MGAT4B: variants seen among roughly 807,000 people sequenced by gnomAD.
MGAT4B encodes the protein alpha-1,3-mannosyl-glycoprotein 4-beta-N-acetylglucosaminyltransferase B, also known as N-acetylglucosaminyltransferase IVb.
MGAT4B carries 38 observed loss-of-function variants against 73.9 expected under a neutral mutation model. The observed-to-expected ratio is 0.51, with a 90% confidence interval of 0.40 to 0.67. The LOEUF is 0.67. MGAT4B is among the 30% of genes least tolerant of loss of function. The pLI is 0.00. For synonymous variants in MGAT4B, 373 were observed against 313.5 expected, an observed-to-expected ratio of 1.19 and a Z score of -2.01; for missense variants, 686 against 735.2, an observed-to-expected ratio of 0.93 and a Z score of 0.77.
At position 179,806,467 on chromosome 5, in the gene MGAT4B, C is replaced by G; in HGVS notation, c.97+20G>C. ...ACGCCCAGGTGCGCCAGGTGCGGGC[C>G]GGGCGGGGGTCGCGCTCACCTTTCT... On this transcript the variant is annotated intron_variant, in intron 1 of 14. Coordinates refer to ENST00000292591, the MANE Select transcript of MGAT4B (RefSeq NM_014275.5). The surrounding 1 kb of genome is among the most constrained non-coding windows in gnomAD (Gnocchi z 4.6). The G allele has an allele frequency of 2.4e-6, 3 of 1,254,976 alleles. No homozygotes were observed. The highest frequency in any genetic ancestry group is 3.1e-6 in the Non-Finnish European group (3 of 973,212). The allele number at this position is 1,254,976 out of a possible 1,614,324, so 77.7% of individuals were successfully genotyped here.
chr5:179,799,654 G>A lies in MGAT4B; in HGVS notation c.911-18C>T, dbSNP rs373032627. On this transcript the variant is annotated intron_variant, in intron 8 of 14. Transcript: ENST00000292591. Reference sequence around the variant, plus strand: ...CATCTTACCTGGTGGGGAGGGGCCTGAGTGGGCAGTGCTGCTCTGCCTACT... The same window carrying A: ...CATCTTACCTGGTGGGGAGGGGCCTAAGTGGGCAGTGCTGCTCTGCCTACT... The A allele has an allele frequency of 3.7e-6, 6 of 1,613,246 alleles. No individual in the cohort carries two copies. Among genetic ancestry groups the A allele is most frequent in the South Asian group, 2.2e-5 (2 of 91,072 alleles).
chr5:179,806,699 G>A lies in MGAT4B; in HGVS notation c.-116C>T, dbSNP rs1461758010. ...GCGGCGGCAGGGGCCCCGGCCCCGG[G>A]TCGGGGAGGGGCGGGGGGCCCGGGG... is the stretch of plus-strand genomic sequence containing the variant. On this transcript the variant is annotated 5_prime_UTR_variant, in exon 1 of 15. Transcript: ENST00000292591. The surrounding 1 kb of genome is among the most constrained non-coding windows in gnomAD (Gnocchi z 4.6). 3 of 238,374 alleles carry A rather than the reference G, an allele frequency of 1.3e-5. No homozygotes were observed. The highest frequency in any genetic ancestry group is 1.3e-5 in the Non-Finnish European group (2 of 150,392). 14.8% of individuals were successfully genotyped at this position (238,374 alleles called of 1,614,324 possible).
intron 1 of MGAT4B, chr5:179,805,038 C>A (rs1289891088): frequency 1.3e-5 from 2 of 152,472 alleles, no homozygotes; most frequent in East Asian, 3.9e-4. Context: ...CTCAGAGAGC[C>A]AGCCTCCTGG....
chr5:179,803,273 G>A (rs1353095585), intron 1 of MGAT4B: 8 of 985,348 alleles, frequency 8.1e-6, no homozygotes, highest in Middle Eastern at 5.2e-4. Context: ...GAGGCAAAGC[G>A]GAGCCTCTGG....
At chr5:179,802,427 C>A in intron 1 of MGAT4B, 1 of 1,112,622 alleles carries the variant, frequency 9.0e-7, no homozygotes, top group Non-Finnish European at 1.1e-6. Context: ...TCGCTGGTTG[C>A]TCACCCTGCA....
chr5:179,800,841 C>A, intron 5 of MGAT4B, 66 bp downstream of exon 5: 1 of 1,558,832 alleles, frequency 6.4e-7, no homozygotes, highest in East Asian at 2.2e-5. Context: ...GAGGCAGGAA[C>A]CTGCCAGCAC....
chr5:179,802,072 G>A, intron 1 of MGAT4B, 103 bp from the exon 2 acceptor site: 1 of 1,592,724 alleles, frequency 6.3e-7, no homozygotes, highest in Non-Finnish European at 8.6e-7. Flanking sequence ...CTCTGCAATA[G>A]CTCATTGACA....
In MGAT4B at chr5:179,801,176, G is replaced by A. The variant is rs935860317; in HGVS notation, c.558+158C>T. Among the ~76,000 whole-genome samples, 2 of 152,132 alleles carry A rather than the reference G, an allele frequency of 1.3e-5. No homozygotes were observed. Among genetic ancestry groups the A allele is most frequent in the African/African-American group, 4.8e-5 (2 of 41,420 alleles). ...GGGGCGATGGGTAGGGGTAGAGGGT[G>A]CCAGAAAGCCCTTTCAACTTTCTAT... On this transcript the variant is annotated intron_variant, in intron 4 of 14. Transcript: ENST00000292591. This position sits in a 1 kb window ranked among gnomAD's most constrained non-coding sequence, Gnocchi z 4.8.
In MGAT4B at chr5:179,802,021, G is replaced by C. The variant is rs748811491; in HGVS notation, c.98-52C>G. 4.2e-5 allele frequency: 68 copies of C among 1,612,674 alleles called. No individual in the cohort carries two copies. Among genetic ancestry groups the C allele is most frequent in the Non-Finnish European group, 5.5e-5 (65 of 1,179,540 alleles). Reference sequence around the variant, plus strand: ...AGGGGGCGGTCTAGAGCCACCCTACGGGCCCCTCCAGTGTGCCAGCGCACA... The same window carrying C: ...AGGGGGCGGTCTAGAGCCACCCTACCGGCCCCTCCAGTGTGCCAGCGCACA... On this transcript the variant is annotated intron_variant, in intron 1 of 14. Transcript: ENST00000292591.
Position 179,806,341 on chromosome 5 carries a change from G to T in MGAT4B, c.97+146C>A. ...GCTCCAGCAGCAAACAAGTGGGGGAGGGTGGGAGGGGCGTCCTCGCGCCGC... is the reference window on the plus strand; with the variant it reads ...GCTCCAGCAGCAAACAAGTGGGGGATGGTGGGAGGGGCGTCCTCGCGCCGC... On this transcript the variant is annotated intron_variant, in intron 1 of 14. Coordinates refer to ENST00000292591, the MANE Select transcript of MGAT4B (RefSeq NM_014275.5). The surrounding 1 kb of genome is among the most constrained non-coding windows in gnomAD (Gnocchi z 4.6). 7.8e-6 allele frequency: 2 copies of T among 257,628 alleles called. No individual in the cohort carries two copies. The highest frequency in any genetic ancestry group is 1.5e-4 in the South Asian group (1 of 6,660). The allele number at this position is 257,628 out of a possible 1,614,324, so 16.0% of individuals were successfully genotyped here.
Position 179,799,083 on chromosome 5 carries a change from A to G in MGAT4B, c.1188T>C (p.His396=), listed in dbSNP as rs1326191622. 4.3e-6 allele frequency: 7 copies of G among 1,613,804 alleles called. No homozygotes were observed. The highest frequency in any genetic ancestry group is 4.0e-5 in the African/African-American group (3 of 74,934). ...DFGKQALRKE[H]VNPPAEVSTS... ...TGCTCACCTCTGCTGGCGGGTTCAC[A>G]TGCTCCTTCCGCAGCGCCTGCTTTC... Residue 396 remains histidine, a synonymous_variant, in exon 11 of 15, where the codon CAT becomes CAC. Transcript: ENST00000292591.
chr5:179,798,802 C>T, intron 11 of MGAT4B, 126 bp downstream of exon 11: 1 of 1,207,406 alleles, frequency 8.3e-7, no homozygotes. Flanking sequence ...CACAAGGTAG[C>T]TACCATTACG....
chr5:179,799,020 T>A lies in MGAT4B; in HGVS notation c.1251A>T (p.Lys417Asn), dbSNP rs1206158463. The A allele has an allele frequency of 7.4e-6, 12 of 1,613,938 alleles. No individual in the cohort carries two copies. Among genetic ancestry groups the A allele is most frequent in the Non-Finnish European group, 1.0e-5 (12 of 1,180,020 alleles). The change falls in exon 11 of 15, where the codon AAA (lysine) becomes AAT (asparagine). Residue 417 changes from lysine (K) to asparagine (N), a missense_variant. Lys to Asn is a moderately conservative substitution (Grantham distance 94). Around this residue, in one of 2 missense-constraint regions of MGAT4B, gnomAD observed 449 missense variants for 536.8 expected, o/e 0.84. Transcript: ENST00000292591. ...LKTYQHFTLE[K>N]AYLREDFFWA... ...AGAAGAAGTCCTCGCGCAGGTAGGC[T>A]TTCTCCAGGGTGAAGTGCTGGTATG...
At position 179,801,352 on chromosome 5, in the gene MGAT4B, G is replaced by C. The variant is rs756649438; in HGVS notation, c.540C>G (p.Ile180Met). 1.9e-6 allele frequency: 3 copies of C among 1,612,154 alleles called. No individual in the cohort carries two copies. The highest frequency in any genetic ancestry group is 1.3e-5 in the African/African-American group (1 of 75,048). The change falls in exon 4 of 15, where the codon ATC becomes ATG. Residue 180 changes from isoleucine to methionine, a missense_variant. Physicochemically the swap from Ile to Met is conservative, Grantham distance 10. This residue lies in a region of MGAT4B where 449 missense variants were observed against 536.8 expected (regional missense o/e 0.84). Coordinates refer to ENST00000292591, the MANE Select transcript of MGAT4B (RefSeq NM_014275.5). This position sits in a 1 kb window ranked among gnomAD's most constrained non-coding sequence, Gnocchi z 4.8. Reference sequence around the variant, plus strand: ...CACTCGCCTCGGCGATCAGCACCACGATGACCGAGTCCTCCTTCTCCTGCG... The same window carrying C: ...CACTCGCCTCGGCGATCAGCACCACCATGACCGAGTCCTCCTTCTCCTGCG... ...LSPQEKEDSVIVVLIAETDSQ... is the reference protein window; with the variant it reads ...LSPQEKEDSVMVVLIAETDSQ...
rs272439 is a variant in MGAT4B at position 179,803,291 on chromosome 5, C to G, written c.98-1322G>C. On this transcript the variant is annotated intron_variant, in intron 1 of 14. Coordinates refer to ENST00000292591, the MANE Select transcript of MGAT4B (RefSeq NM_014275.5). The stretch of plus-strand genomic sequence containing the variant: ...GCAAAGCGGAGCCTCTGGACAGCCC[C>G]TGGCGGGAGGGAAAGGGGAGTCAGA... 1.8e-4 allele frequency: 178 copies of G among 985,016 alleles called. No homozygotes were observed. In the African/African-American group the frequency reaches 3.0e-3, roughly 17 times the overall value. 61.0% of individuals were successfully genotyped at this position (985,016 alleles called of 1,614,324 possible). A position where few individuals can be genotyped will look rare whatever the true frequency, so the allele number is the denominator to read the frequency against.
At position 179,801,936 on chromosome 5, in the gene MGAT4B, A is replaced by T; in HGVS notation, c.131T>A (p.Leu44Gln). ...DVVDVYQREF[L>Q]ALRDRLHAAE... ...TGCGTGCAACCGATCGCGCAGCGCC[A>T]GGAACTCCCGCTGGTAAACGTCCAC... Residue 44 changes from leucine to glutamine, a missense_variant, in exon 2 of 15, where the codon CTG (leucine) becomes CAG (glutamine). Coordinates refer to ENST00000292591, the MANE Select transcript of MGAT4B (RefSeq NM_014275.5). This position sits in a 1 kb window ranked among gnomAD's most constrained non-coding sequence, Gnocchi z 4.8. The T allele has an allele frequency of 3.1e-6, 5 of 1,613,290 alleles. No individual in the cohort carries two copies. Among genetic ancestry groups the T allele is most frequent in the Non-Finnish European group, 4.2e-6 (5 of 1,179,970 alleles).
rs373898378 is a variant in MGAT4B at position 179,800,129 on chromosome 5, T to TCGCAGGGCAGGGCGG, written c.795+40_795+54dup. 2.9e-3 allele frequency: 4,621 copies of TCGCAGGGCAGGGCGG among 1,610,776 alleles called. 85 individuals are homozygous for TCGCAGGGCAGGGCGG. In the African/African-American group the frequency reaches 0.045, roughly 16 times the overall value. On this transcript the variant is annotated intron_variant, in intron 7 of 14. Transcript: ENST00000292591. ...AGGGCACCCAGATGGACCAGACCCA[T>TCGCAGGGCAGGGCGG]CGCAGGGCAGGGCGGCGCAGGGCAG...
chr5:179,804,774 C>T (rs1282966857), intron 1 of MGAT4B, among the ~76,000 whole-genome samples: 1 of 152,154 alleles, frequency 6.6e-6, no homozygotes, highest in Non-Finnish European at 1.5e-5. Context: ...TCTGGTTTCA[C>T]CAGGGGTTTA....
intron 7 of MGAT4B, 52 bp from the exon 8 acceptor site, chr5:179,800,120 C>A (rs961303573): frequency 1.2e-6 from 2 of 1,608,928 alleles, no homozygotes; most frequent in Admixed American, 1.7e-5. Flanking sequence ...CCCAGATGGA[C>A]CAGACCCATC....
Sources: allele counts gnomAD v4.1 joint callset (sites outside exome capture counted in the v4.1 genomes callset), GRCh38; gene constraint gnomAD v4.1.1; regional missense constraint gnomAD v4.1.1; non-coding constraint Gnocchi (gnomAD v3.1); transcripts MANE v1.5; gene names NCBI Gene and HGNC (gene_info 2026-07-23, HGNC 2026-07-21).